AKR1C8: variants seen among roughly 807,000 people sequenced by gnomAD.
AKR1C8 encodes the protein aldo-keto reductase family 1 member C-like protein 1.
At chr10:5,151,321 A>G in the AKR1C8 span, among the ~76,000 whole-genome samples, 2 of 152,134 alleles carry the variant, frequency 1.3e-5, no homozygotes, top group African/African-American at 4.8e-5. Context: ...TATTAGTCCT[A>G]CTAAAGCAGT....
the AKR1C8 span, among the ~76,000 whole-genome samples, chr10:5,119,187 T>C: frequency 6.6e-6 from 1 of 152,182 alleles, no homozygotes; most frequent in Non-Finnish European, 1.5e-5. Flanking sequence ...ACAATGAATA[T>C]TCAATAAAGT....
the AKR1C8 span, among the ~76,000 whole-genome samples, chr10:5,168,424 C>T: frequency 2.6e-5 from 4 of 152,046 alleles, no homozygotes; most frequent in Non-Finnish European, 4.4e-5. Context: ...CCCAAACCCC[C>T]GAGTCCACTA....
chr10:5,122,331 C>T, the AKR1C8 span, among the ~76,000 whole-genome samples: 2 of 152,198 alleles, frequency 1.3e-5, no homozygotes, highest in Admixed American at 1.3e-4. Context: ...TCCACCTGAG[C>T]TCTGCCTCTT....
the AKR1C8 span, among the ~76,000 whole-genome samples, chr10:5,171,346 A>G: frequency 6.6e-6 from 1 of 152,092 alleles, no homozygotes; most frequent in East Asian, 1.9e-4. Flanking sequence ...GTGGCACACA[A>G]TAATTTTAAC....
chr10:5,159,036 G>A, the AKR1C8 span, among the ~76,000 whole-genome samples: 28 of 152,280 alleles, frequency 1.8e-4, no homozygotes, highest in Admixed American at 4.6e-4. Context: ...GAGTGTGAAA[G>A]TTTCCATTTG....
At chr10:5,162,419 C>T in the AKR1C8 span, among the ~76,000 whole-genome samples, 2 of 152,188 alleles carry the variant, frequency 1.3e-5, no homozygotes, top group Non-Finnish European at 2.9e-5. Context: ...GCTCTGTTTA[C>T]ATATGAAGCA....
the AKR1C8 span, among the ~76,000 whole-genome samples, chr10:5,178,807 T>G: frequency 3.0e-5 from 1 of 33,730 alleles, no homozygotes; most frequent in East Asian, 2.7e-4. Context: ...ACCCCTGCCT[T>G]TTTTTTTGTT....
chr10:5,154,758 T>C, the AKR1C8 span: 1 of 152,376 alleles, frequency 6.6e-6, no homozygotes, highest in African/African-American at 2.4e-5. Flanking sequence ...TTTCCCCTGC[T>C]TCTAAACTTT....
chr10:5,163,398 C>A, the AKR1C8 span, among the ~76,000 whole-genome samples: 2 of 152,186 alleles, frequency 1.3e-5, no homozygotes, highest in Non-Finnish European at 2.9e-5. Flanking sequence ...TGTTATAGTT[C>A]TACCAAGATT....
the AKR1C8 span, among the ~76,000 whole-genome samples, chr10:5,180,305 G>A: frequency 8.5e-3 from 1,292 of 152,272 alleles, 17 homozygotes; most frequent in African/African-American, 0.029. Context: ...CATGAACTGC[G>A]AATGCTGCTG....
At chr10:5,173,635 C>T in the AKR1C8 span, among the ~76,000 whole-genome samples, 1 of 125,328 alleles carries the variant, frequency 8.0e-6, no homozygotes, top group South Asian at 2.3e-4. Flanking sequence ...GCCAGACATA[C>T]TAACAAAACG....
the AKR1C8 span, among the ~76,000 whole-genome samples, chr10:5,166,026 CCTTT>C: frequency 6.6e-6 from 1 of 151,946 alleles, no homozygotes; most frequent in Non-Finnish European, 1.5e-5. Flanking sequence ...AGTGGGACAC[CCTTT>C]CTATCTTTCT....
At chr10:5,148,127 T>TG in the AKR1C8 span, among the ~76,000 whole-genome samples, 4 of 152,110 alleles carry the variant, frequency 2.6e-5, no homozygotes, top group African/African-American at 7.2e-5. Flanking sequence ...GGCTGCTACG[T>TG]GGGGGCTTCT....
the AKR1C8 span, among the ~76,000 whole-genome samples, chr10:5,179,744 C>G: frequency 2.0e-5 from 3 of 152,132 alleles, no homozygotes; most frequent in Non-Finnish European, 4.4e-5. Flanking sequence ...TCACTGATAT[C>G]CTTTCTTCCA....
the AKR1C8 span, among the ~76,000 whole-genome samples, chr10:5,115,815 G>T: frequency 9.0e-4 from 137 of 152,138 alleles, 2 homozygotes; most frequent in African/African-American, 3.2e-3. Flanking sequence ...ATAAAATGAA[G>T]ATTTTTTTTA....
chr10:5,173,920 A>G, the AKR1C8 span, among the ~76,000 whole-genome samples: 2 of 152,038 alleles, frequency 1.3e-5, no homozygotes, highest in African/African-American at 4.8e-5. Flanking sequence ...CACCCTTAAT[A>G]CCTGCATAAA....
chr10:5,183,359 C>T, the AKR1C8 span, among the ~76,000 whole-genome samples: 94 of 152,152 alleles, frequency 6.2e-4, 1 homozygote, highest in South Asian at 0.018. Context: ...ACACCGAAAT[C>T]GTAACAGACA....
chr10:5,166,815 G>T, the AKR1C8 span, among the ~76,000 whole-genome samples: 9 of 152,204 alleles, frequency 5.9e-5, no homozygotes, highest in South Asian at 2.1e-4. Context: ...AAGAGCTTCT[G>T]CACAGCAAAA....
At chr10:5,157,779 A>T in the AKR1C8 span, 1 of 471,246 alleles carries the variant, frequency 2.1e-6, no homozygotes, top group Admixed American at 2.4e-5. Flanking sequence ...CCTCCAAGAG[A>T]TGTGGGCAGT....
Sources: gnomAD v4.1 joint callset for allele counts (sites outside exome capture counted in the v4.1 genomes callset) on GRCh38, gnomAD v4.1.1 for gene constraint, MANE v1.5 for transcripts, NCBI Gene and HGNC (gene_info 2026-07-23, HGNC 2026-07-21) for gene names.